Variants in PEG3 observed in about 807,000 individuals in gnomAD.
PEG3 encodes paternally-expressed gene 3 protein.
Under a neutral mutation model 35.5 loss-of-function variants are expected in PEG3, and 23 were observed. That is an observed-to-expected ratio of 0.65 (90% CI 0.47 to 0.92). PEG3 has a LOEUF of 0.92. PEG3 is among the 40% of genes least tolerant of loss of function. The pLI, the probability that PEG3 is intolerant of heterozygous loss-of-function variation, is 0.00. For synonymous variants in PEG3, 707 were observed against 697.0 expected, an observed-to-expected ratio of 1.01 and a Z score of -0.23; for missense variants, 1,960 against 1,985.3, an observed-to-expected ratio of 0.99 and a Z score of 0.24.
chr19:56,823,072 C>T (rs950907622), intron 5 of PEG3, among the ~76,000 whole-genome samples: 5 of 152,230 alleles, frequency 3.3e-5, no homozygotes, highest in Non-Finnish European at 7.3e-5. Context: ...AGTTCCAAAG[C>T]TCAGTCCAGT....
intron 9 of PEG3, 42 bp from the exon 10 acceptor site, chr19:56,817,621 A>G (rs1189685089): frequency 6.5e-7 from 1 of 1,541,958 alleles, no homozygotes; most frequent in Non-Finnish European, 8.9e-7. Context: ...TAGTCCCCAT[A>G]AGAAGGACAG....
At chr19:56,827,744 C>A (rs1279011928) in intron 2 of PEG3, among the ~76,000 whole-genome samples, 1 of 152,030 alleles carries the variant, frequency 6.6e-6, no homozygotes, top group East Asian at 1.9e-4. Context: ...TACTATGAAA[C>A]CCTTTAAAAT....
At chr19:56,817,662 T>A in intron 9 of PEG3, 83 bp from the exon 10 acceptor site, 1 of 1,516,428 alleles carries the variant, frequency 6.6e-7, no homozygotes, top group Non-Finnish European at 9.1e-7. Context: ...CCTTCTGTGA[T>A]GTTTAGGAAT....
intron 1 of PEG3, among the ~76,000 whole-genome samples, chr19:56,838,007 C>T (rs558290593): frequency 6.6e-6 from 1 of 152,304 alleles, no homozygotes; most frequent in African/African-American, 2.4e-5. Flanking sequence ...CAAAGCAGAC[C>T]CTCCCTCAGA....
At chr19:56,835,693 A>G (rs919624459) in intron 2 of PEG3, among the ~76,000 whole-genome samples, 1 of 152,268 alleles carries the variant, frequency 6.6e-6, no homozygotes, top group Non-Finnish European at 1.5e-5. Context: ...TACCTGGCAC[A>G]AAGTACACAC....
intron 8 of PEG3, among the ~76,000 whole-genome samples, chr19:56,818,393 A>G (rs1415291631): frequency 6.6e-6 from 1 of 152,190 alleles, no homozygotes; most frequent in Admixed American, 6.5e-5. Context: ...CACCCTGTAC[A>G]ATGTATCTTT....
At position 56,817,454 on chromosome 19, in the gene PEG3, T is replaced by C. The variant is rs761028162; in HGVS notation, c.988A>G (p.Arg330Gly). 19 of 1,614,008 alleles carry C rather than the reference T, an allele frequency of 1.2e-5. No individual in the cohort carries two copies. Among genetic ancestry groups the C allele is most frequent in the Admixed American group, 1.7e-5 (1 of 60,010 alleles). The change falls in exon 10 of 10, where the codon AGA becomes GGA. Residue 330 changes from arginine (R) to glycine (G), a missense_variant. Arg to Gly is a moderately radical substitution (Grantham distance 125). Around this residue, in one of 5 missense-constraint regions of PEG3, gnomAD observed 613 missense variants for 577.1 expected, o/e 1.06. Transcript: ENST00000326441. ...GACCGGTCGCTTGACTCCCTTGCTC[T>C]TCCCGATTTGGAACTGCGTGACACA... is the stretch of plus-strand genomic sequence containing the variant. ...KDVSRSSKSG[R>G]ARESSDRSQR... is the part of the protein sequence containing the mutation.
chr19:56,824,225 C>T (rs747985814), intron 4 of PEG3, 37 bp downstream of exon 4: 1 of 1,601,454 alleles, frequency 6.2e-7, no homozygotes, highest in Non-Finnish European at 8.5e-7. Flanking sequence ...ACACCTGAGG[C>T]CTGCACTGAC....
Position 56,812,823 on chromosome 19 carries a change from A to AG in PEG3, c.*851_*852insC. On this transcript the variant is annotated 3_prime_UTR_variant, in exon 10 of 10. Coordinates refer to ENST00000326441, the MANE Select transcript of PEG3 (RefSeq NM_006210.3). ...CAAACACATATTGAGTTGGTTAAAA[A>AG]AAAAAAAAACCCAGAACACAAATGT... 1 of 985,254 alleles carries AG rather than the reference A, an allele frequency of 1.0e-6. No individual in the cohort carries two copies. Among genetic ancestry groups the AG allele is most frequent in the Non-Finnish European group, 1.2e-6 (1 of 829,632 alleles). 61.0% of individuals were successfully genotyped at this position (985,254 alleles called of 1,614,324 possible). A position where few individuals can be genotyped will look rare whatever the true frequency, so the allele number is the denominator to read the frequency against.
Position 56,824,714 on chromosome 19 carries a change from C to A in PEG3, c.-59G>T. 6.7e-7 allele frequency: 1 copy of A among 1,489,502 alleles called. No homozygotes were observed. The allele number at this position is 1,489,502 out of a possible 1,614,324, so 92.3% of individuals were successfully genotyped here. A position where few individuals can be genotyped will look rare whatever the true frequency, so the allele number is the denominator to read the frequency against. On this transcript the variant is annotated 5_prime_UTR_variant, in exon 4 of 10. Transcript: ENST00000326441. ...ACATGAGTCAACAGGAAAGACGCGG[C>A]AGCCTGTGACCGTCAGTACTCAGGG...
In PEG3 at chr19:56,812,795, C is replaced by T. The variant is rs1028993736; in HGVS notation, c.*880G>A. On this transcript the variant is annotated 3_prime_UTR_variant, in exon 10 of 10. Coordinates refer to ENST00000326441, the MANE Select transcript of PEG3 (RefSeq NM_006210.3). ...GCTTCGGGTTTTATCAATTCACTAT[C>T]ATCAAACACATATTGAGTTGGTTAA... 71 of 969,424 alleles carry T rather than the reference C, an allele frequency of 7.3e-5. No homozygotes were observed. The highest frequency in any genetic ancestry group is 1.7e-5 in the Non-Finnish European group (14 of 821,350). 60.1% of individuals were successfully genotyped at this position (969,424 alleles called of 1,614,324 possible).
intron 7 of PEG3, 111 bp downstream of exon 7, chr19:56,821,540 C>T: frequency 7.5e-7 from 1 of 1,335,288 alleles, no homozygotes; most frequent in Non-Finnish European, 1.0e-6. Context: ...CTGGGACTCT[C>T]ACCCCAGCTG....
At chr19:56,823,973 C>T (rs1476841362) in intron 4 of PEG3, among the ~76,000 whole-genome samples, 1 of 152,164 alleles carries the variant, frequency 6.6e-6, no homozygotes, top group Non-Finnish European at 1.5e-5. Flanking sequence ...AGGAGGTTTT[C>T]TCCCTTCTAC....
chr19:56,821,839 G>A (rs1472041473), intron 6 of PEG3, 85 bp from the exon 7 acceptor site: 4 of 1,446,440 alleles, frequency 2.8e-6, no homozygotes, highest in Admixed American at 3.4e-5. Flanking sequence ...TATGAAGCCA[G>A]CTGGGGTGTG....
Position 56,822,792 on chromosome 19 carries a change from G to A in PEG3, c.526C>T (p.Pro176Ser). ...DRRGRSRDME[P>S]RDRWSHTRNP... ...CTGGTGTGGGACCAGCGGTCTCGTG[G>A]CTCCATGTCTCTGCTTCTGCCCCTC... Residue 176 changes from proline (P) to serine (S), a missense_variant, in exon 6 of 10, where the codon CCA (proline) becomes TCA (serine). This residue lies in a region of PEG3 where 613 missense variants were observed against 577.1 expected (regional missense o/e 1.06). Transcript: ENST00000326441. The A allele has an allele frequency of 6.2e-7, 1 of 1,614,084 alleles. No homozygotes were observed. Among genetic ancestry groups the A allele is most frequent in the South Asian group, 1.1e-5 (1 of 91,054 alleles).
intron 2 of PEG3, chr19:56,833,871 C>T (rs2061818355): frequency 6.5e-6 from 1 of 152,778 alleles, no homozygotes. Context: ...AACCTCCACC[C>T]TCTGGTCTGT....
Position 56,812,959 on chromosome 19 carries a change from TC to T in PEG3, c.*715del, listed in dbSNP as rs1340050404. On this transcript the variant is annotated 3_prime_UTR_variant, in exon 10 of 10. Transcript: ENST00000326441. The stretch of plus-strand genomic sequence containing the variant: ...TGTAAAGCCTTACACAGTATTAGGT[TC>T]CAAAGTGTTGGCGCAGATGAAATGG... The T allele has an allele frequency of 2.0e-6, 2 of 985,690 alleles. No individual in the cohort carries two copies. The highest frequency in any genetic ancestry group is 3.5e-5 in the African/African-American group (2 of 57,218). The allele number at this position is 985,690 out of a possible 1,614,324, so 61.1% of individuals were successfully genotyped here. A position where few individuals can be genotyped will look rare whatever the true frequency, so the allele number is the denominator to read the frequency against.
chr19:56,812,354 A>G lies in PEG3; in HGVS notation c.*1321T>C, dbSNP rs1204617331. On this transcript the variant is annotated 3_prime_UTR_variant, in exon 10 of 10. Coordinates refer to ENST00000326441, the MANE Select transcript of PEG3 (RefSeq NM_006210.3). ...AGCTGAAAAAGAAGGAACAGATGTT[A>G]ACAAAACAAATTAAGGCTGCTGGGG... 1.0e-6 allele frequency: 1 copy of G among 983,930 alleles called. No individual in the cohort carries two copies. Among genetic ancestry groups the G allele is most frequent in the African/African-American group, 1.7e-5 (1 of 57,192 alleles). 60.9% of individuals were successfully genotyped at this position (983,930 alleles called of 1,614,324 possible).
At chr19:56,819,063 C>T (rs1451331272) in intron 7 of PEG3, among the ~76,000 whole-genome samples, 2 of 152,172 alleles carry the variant, frequency 1.3e-5, no homozygotes, top group Non-Finnish European at 2.9e-5. Context: ...TGGGCCTGAA[C>T]AGTGTGCAAA....
Sources: gnomAD v4.1 joint callset for allele counts (sites outside exome capture counted in the v4.1 genomes callset) on GRCh38, gnomAD v4.1.1 for gene constraint, gnomAD v4.1.1 regional missense constraint, MANE v1.5 for transcripts, NCBI Gene and HGNC (gene_info 2026-07-23, HGNC 2026-07-21) for gene names.